Variants in SNX18 observed in about 807,000 individuals in gnomAD.
SNX18 encodes the protein sorting nexin-18.
Under a neutral mutation model 48.7 loss-of-function variants are expected in SNX18, and 35 were observed. The observed-to-expected ratio is 0.72, with a 90% confidence interval of 0.55 to 0.95. The LOEUF is 0.95. SNX18 is among the 40% of genes least tolerant of loss of function. The probability of loss-of-function intolerance (pLI) is 0.00; values close to 1 mark genes in which losing one functional copy is unlikely to be tolerated. For missense variants in SNX18, 824 were observed against 871.0 expected (o/e 0.95, Z 0.68); for synonymous variants, 492 against 384.7 (o/e 1.28, Z -3.26).
At chr5:54,542,224 TTG>T (rs985486304) in intron 1 of SNX18, among the ~76,000 whole-genome samples, 3 of 152,186 alleles carry the variant, frequency 2.0e-5, no homozygotes, top group African/African-American at 7.2e-5. Context: ...TTTTGTGTCT[TTG>T]TATGACTGTG....
rs1272182909 is a variant in SNX18, at chr5:54,543,836, TA to T, written c.*407del. On this transcript the variant is annotated 3_prime_UTR_variant, in exon 2 of 2. Transcript: ENST00000381410. ...TTTACTCTCATAGATTGGGATTACC[TA>T]AATTCAACCTATTCTCTGTTTACAA... 1 of 159,486 alleles carries T rather than the reference TA, an allele frequency of 6.3e-6. No homozygotes were observed. Among genetic ancestry groups the T allele is most frequent in the African/African-American group, 2.4e-5 (1 of 41,556 alleles). The allele number at this position is 159,486 out of a possible 1,614,324, so 9.9% of individuals were successfully genotyped here. A position where few individuals can be genotyped will look rare whatever the true frequency, so the allele number is the denominator to read the frequency against.
chr5:54,569,871 G>C, the SNX18 span, among the ~76,000 whole-genome samples: 2 of 152,096 alleles, frequency 1.3e-5, no homozygotes, highest in African/African-American at 4.8e-5. Context: ...CATGGGGAGG[G>C]GGCAAGATCC....
At chr5:54,647,963 T>C in the SNX18 span, among the ~76,000 whole-genome samples, 6 of 151,084 alleles carry the variant, frequency 4.0e-5, no homozygotes, top group African/African-American at 1.5e-4. Context: ...GGAATGCTGG[T>C]GTGTGCGGAA....
chr5:54,525,552 C>T (rs367885341), intron 1 of SNX18, among the ~76,000 whole-genome samples: 13 of 152,242 alleles, frequency 8.5e-5, no homozygotes, highest in African/African-American at 2.6e-4. Flanking sequence ...TATTGCACAC[C>T]GGAAGTAATG....
In SNX18 at chr5:54,545,821, T is replaced by C. The variant is rs1762568577; in HGVS notation, c.*2389T>C. 1 of 152,224 alleles carries C rather than the reference T, an allele frequency of 6.6e-6. No individual in the cohort carries two copies. Among genetic ancestry groups the C allele is most frequent in the Admixed American group, 6.5e-5 (1 of 15,280 alleles). The allele number at this position is 152,224 out of a possible 1,614,324, so 9.4% of individuals were successfully genotyped here. On this transcript the variant is annotated 3_prime_UTR_variant, in exon 2 of 2. Transcript: ENST00000381410. ...ATTATCATGTGTATGCTGGTCATCA[T>C]GATCAGTGTGGTACAATTTTTAAAA...
the SNX18 span, among the ~76,000 whole-genome samples, chr5:54,642,339 T>C: frequency 2.0e-5 from 3 of 152,182 alleles, no homozygotes; most frequent in Non-Finnish European, 4.4e-5. Flanking sequence ...CGTGCAGGAA[T>C]GGGTGTAGGC....
chr5:54,588,576 C>T, the SNX18 span, among the ~76,000 whole-genome samples: 1 of 152,080 alleles, frequency 6.6e-6, no homozygotes, highest in African/African-American at 2.4e-5. Context: ...ATCCACCCAC[C>T]TCAGCCTCCC....
the SNX18 span, among the ~76,000 whole-genome samples, chr5:54,616,233 G>A: frequency 6.6e-6 from 1 of 152,182 alleles, no homozygotes; most frequent in African/African-American, 2.4e-5. Context: ...GAGAAGAATA[G>A]CTAGCAGTTC....
the SNX18 span, chr5:54,645,800 C>G: frequency 6.6e-6 from 1 of 152,184 alleles, no homozygotes; most frequent in African/African-American, 2.4e-5. Flanking sequence ...TCACTAGTAT[C>G]TTCTTAATTT....
the SNX18 span, among the ~76,000 whole-genome samples, chr5:54,596,378 GA>G: frequency 6.6e-6 from 1 of 152,172 alleles, no homozygotes; most frequent in African/African-American, 2.4e-5. Flanking sequence ...CCTGATGGAG[GA>G]AAAGGGGCCT....
chr5:54,582,091 C>A, the SNX18 span, among the ~76,000 whole-genome samples: 1 of 152,176 alleles, frequency 6.6e-6, no homozygotes, highest in Non-Finnish European at 1.5e-5. Flanking sequence ...CAGAACAGAT[C>A]CTCCCTAGAA....
chr5:54,519,140 G>A lies in SNX18; in HGVS notation c.1188G>A (p.Lys396=). The change falls in exon 1 of 2, where the codon AAG becomes AAA. Residue 396 remains lysine (K), a synonymous_variant. Coordinates refer to ENST00000381410, the MANE Select transcript of SNX18 (RefSeq NM_001102575.2). The part of the protein sequence containing the change: ...DEKAWKQGKR[K]AEKDEMVGAN... ...AAGCCTGGAAGCAGGGCAAGAGGAA[G>A]GCCGAGAAGGACGAGATGGTGGGCG... The A allele has an allele frequency of 6.2e-7, 1 of 1,614,098 alleles. No individual in the cohort carries two copies. The highest frequency in any genetic ancestry group is 1.1e-5 in the South Asian group (1 of 91,076).
At chr5:54,586,045 C>T in the SNX18 span, among the ~76,000 whole-genome samples, 6 of 151,954 alleles carry the variant, frequency 3.9e-5, no homozygotes, top group African/African-American at 9.7e-5. Context: ...GCAACACTGT[C>T]AGTAACACAC....
Position 54,539,027 on chromosome 5 carries a change from TATAGTTTTTATTTTTTAA to T in SNX18, c.1622-4151_1622-4134del, listed in dbSNP as rs1172050875. 1.9e-3 allele frequency among the ~76,000 whole-genome samples: 291 copies of T among 152,324 alleles called. 1 individual carries two copies. The highest frequency in any genetic ancestry group is 6.9e-3 in the African/African-American group (285 of 41,578). On this transcript the variant is annotated intron_variant, in intron 1 of 1. Coordinates refer to ENST00000381410, the MANE Select transcript of SNX18 (RefSeq NM_001102575.2). ...TTTAATACCTTCATTGACCATTTTA[TATAGTTTTTATTTTTTAA>T]TTTTTTAGACAGGGTCTCACTTTAT...
chr5:54,610,425 A>G, the SNX18 span, among the ~76,000 whole-genome samples: 174 of 152,324 alleles, frequency 1.1e-3, no homozygotes, highest in African/African-American at 4.0e-3. Context: ...TTCTGTAACT[A>G]TGGTGAGACT....
At chr5:54,535,635 A>C (rs1762339201) in intron 1 of SNX18, among the ~76,000 whole-genome samples, 1 of 152,040 alleles carries the variant, frequency 6.6e-6, no homozygotes, top group Non-Finnish European at 1.5e-5. Context: ...CTTGGAAGGG[A>C]GAATGGGACG....
the SNX18 span, among the ~76,000 whole-genome samples, chr5:54,582,527 G>A: frequency 5.9e-5 from 9 of 152,204 alleles, no homozygotes; most frequent in East Asian, 1.7e-3. Flanking sequence ...GGGAGGCTGA[G>A]GTATGAGGAT....
At chr5:54,647,491 G>C in the SNX18 span, among the ~76,000 whole-genome samples, 1 of 152,324 alleles carries the variant, frequency 6.6e-6, no homozygotes, top group East Asian at 1.9e-4. Flanking sequence ...GGACTGTGGA[G>C]CAAAGGCAAA....
At chr5:54,569,559 C>A in the SNX18 span, among the ~76,000 whole-genome samples, 1 of 152,146 alleles carries the variant, frequency 6.6e-6, no homozygotes, top group Admixed American at 6.5e-5. Context: ...CATCTAGGAT[C>A]TGGAAATTTC....
Sources: gnomAD v4.1 joint callset for allele counts (sites outside exome capture counted in the v4.1 genomes callset) on GRCh38, gnomAD v4.1.1 for gene constraint, MANE v1.5 for transcripts, NCBI Gene and HGNC (gene_info 2026-07-23, HGNC 2026-07-21) for gene names.